Variants in ZFPM2 observed in about 807,000 individuals in gnomAD.
ZFPM2 encodes zinc finger protein ZFPM2.
ZFPM2 carries 20 observed loss-of-function variants against 98.6 expected under a neutral mutation model. That is an observed-to-expected ratio of 0.20 (90% CI 0.14 to 0.29). ZFPM2 has a LOEUF of 0.29. Ranked by LOEUF, ZFPM2 falls within the 10% of genes least tolerant of loss-of-function variation. ZFPM2 has a pLI of 1.00. For missense variants in ZFPM2, 1,310 were observed against 1,388.6 expected (o/e 0.94, Z 0.90); for synonymous variants, 518 against 502.7 (o/e 1.03, Z -0.41).
At chr8:105,508,167 T>A (rs1174031323) in intron 3 of ZFPM2, among the ~76,000 whole-genome samples, 1 of 152,126 alleles carries the variant, frequency 6.6e-6, no homozygotes, top group Non-Finnish European at 1.5e-5. Flanking sequence ...TTTTGGAGAA[T>A]ACCTCACCGT....
chr8:105,550,706 A>T (rs1207985538), intron 3 of ZFPM2, among the ~76,000 whole-genome samples: 1 of 152,180 alleles, frequency 6.6e-6, no homozygotes, highest in African/African-American at 2.4e-5. Flanking sequence ...TCTGACAAGG[A>T]GAGGCTGTGT....
At position 105,762,421 on chromosome 8, in the gene ZFPM2, T is replaced by A. The variant is rs560116177; in HGVS notation, c.533-26297T>A. On this transcript the variant is annotated intron_variant, in intron 5 of 7. Coordinates refer to ENST00000407775, the MANE Select transcript of ZFPM2 (RefSeq NM_012082.4). Reference sequence around the variant, plus strand: ...CTCCAATAAAGACAGCCACCAAGGGTCCTGATTACAGGAGGGTTCATAGCT... The same window carrying A: ...CTCCAATAAAGACAGCCACCAAGGGACCTGATTACAGGAGGGTTCATAGCT... Among the ~76,000 whole-genome samples, 191 of 151,890 alleles carry A rather than the reference T, an allele frequency of 1.3e-3. 5 individuals are homozygous for A. The South Asian group carries it at 0.039, about 31-fold the overall frequency.
chr8:105,374,488 A>C (rs1446209663), intron 1 of ZFPM2, among the ~76,000 whole-genome samples: 1 of 151,830 alleles, frequency 6.6e-6, no homozygotes, highest in South Asian at 2.1e-4. Context: ...TGCAGCCTCA[A>C]CTTTCTCCCC....
At chr8:105,515,911 CT>C (rs34183654) in intron 3 of ZFPM2, among the ~76,000 whole-genome samples, 6,590 of 89,228 alleles carry the variant, frequency 0.074, 105 homozygotes, top group African/African-American at 0.13. Flanking sequence ...AAAACAACTT[CT>C]TTTTTTTTTT....
At chr8:105,782,335 C>T (rs987275971) in intron 5 of ZFPM2, 2 of 152,198 alleles carry the variant, frequency 1.3e-5, no homozygotes, top group African/African-American at 4.8e-5. Context: ...TTTCCAAGCT[C>T]ACACAGTAAT....
At chr8:105,536,876 A>G (rs1814464460) in intron 3 of ZFPM2, among the ~76,000 whole-genome samples, 2 of 152,180 alleles carry the variant, frequency 1.3e-5, no homozygotes, top group Non-Finnish European at 2.9e-5. Flanking sequence ...TCCTCCAGTG[A>G]AAGCATCTTC....
chr8:105,489,105 C>T (rs915876553), intron 3 of ZFPM2, among the ~76,000 whole-genome samples: 3 of 151,878 alleles, frequency 2.0e-5, no homozygotes, highest in African/African-American at 7.3e-5. Context: ...ATGACTTTCC[C>T]ATGAAGGTAT....
intron 5 of ZFPM2, among the ~76,000 whole-genome samples, chr8:105,651,408 C>T (rs780672952): frequency 8.7e-5 from 13 of 148,938 alleles, no homozygotes; most frequent in Non-Finnish European, 1.5e-4. Flanking sequence ...TTGGAGGTTG[C>T]AGTGAGCTGA....
chr8:105,336,869 A>G (rs372929241), intron 1 of ZFPM2, among the ~76,000 whole-genome samples: 35 of 151,852 alleles, frequency 2.3e-4, no homozygotes, highest in African/African-American at 8.2e-4. Context: ...ACTTCGTCTC[A>G]TTTTTTGGTA....
intron 5 of ZFPM2, among the ~76,000 whole-genome samples, chr8:105,718,220 A>G (rs1784713294): frequency 6.6e-6 from 1 of 151,728 alleles, no homozygotes; most frequent in Non-Finnish European, 1.5e-5. Flanking sequence ...GCAGTTGCTC[A>G]CTCTGGCTCT....
chr8:105,677,098 G>A (rs1810489313), intron 5 of ZFPM2, among the ~76,000 whole-genome samples: 2 of 151,902 alleles, frequency 1.3e-5, no homozygotes, highest in Non-Finnish European at 2.9e-5. Context: ...GAACAACACA[G>A]CTTACATCAA....
chr8:105,474,912 A>C (rs1252939916), intron 3 of ZFPM2, among the ~76,000 whole-genome samples: 1 of 152,128 alleles, frequency 6.6e-6, no homozygotes, highest in Admixed American at 6.6e-5. Flanking sequence ...CCTCTGGGAA[A>C]CCCACTTTCT....
chr8:105,714,992 G>C (rs1185258464), intron 5 of ZFPM2, among the ~76,000 whole-genome samples: 1 of 152,020 alleles, frequency 6.6e-6, no homozygotes, highest in Non-Finnish European at 1.5e-5. Flanking sequence ...TCTGATGTAG[G>C]TCTTTGGTGT....
At chr8:105,457,912 G>A (rs1812623181) in intron 3 of ZFPM2, among the ~76,000 whole-genome samples, 1 of 152,152 alleles carries the variant, frequency 6.6e-6, no homozygotes, top group African/African-American at 2.4e-5. Context: ...ATTTAGACAC[G>A]AGGCTGCCTA....
intron 6 of ZFPM2, among the ~76,000 whole-genome samples, chr8:105,794,364 G>T (rs1698664637): frequency 6.6e-6 from 1 of 152,202 alleles, no homozygotes; most frequent in African/African-American, 2.4e-5. Context: ...GTTTGCCTAG[G>T]TAGCAGCAGC....
intron 1 of ZFPM2, among the ~76,000 whole-genome samples, chr8:105,330,619 T>TATATATAC (rs1563606984): frequency 1.5e-3 from 134 of 88,438 alleles, no homozygotes; most frequent in Non-Finnish European, 2.3e-3. Flanking sequence ...TACACATATA[T>TATATATAC]ATATATATAT....
intron 5 of ZFPM2, among the ~76,000 whole-genome samples, chr8:105,729,037 T>C (rs1294419835): frequency 1.3e-5 from 2 of 151,734 alleles, no homozygotes; most frequent in African/African-American, 4.8e-5. Context: ...TCAGGAGGCC[T>C]GTAATGCTAT....
intron 3 of ZFPM2, among the ~76,000 whole-genome samples, chr8:105,492,659 A>G (rs1813380284): frequency 6.6e-6 from 1 of 152,174 alleles, no homozygotes; most frequent in Non-Finnish European, 1.5e-5. Context: ...AGCTCAAGGA[A>G]GTAATTATAT....
intron 1 of ZFPM2, among the ~76,000 whole-genome samples, chr8:105,411,175 A>C (rs1165195399): frequency 2.6e-5 from 4 of 151,880 alleles, no homozygotes; most frequent in Non-Finnish European, 5.9e-5. Flanking sequence ...ATTTTGGTAA[A>C]TATTAAGTGC....
Sources: gnomAD v4.1 joint callset for allele counts (sites outside exome capture counted in the v4.1 genomes callset) on GRCh38, gnomAD v4.1.1 for gene constraint, MANE v1.5 for transcripts, NCBI Gene and HGNC (gene_info 2026-07-23, HGNC 2026-07-21) for gene names.